The following AMER2 variants were observed in gnomAD, a reference collection of about 807,000 sequenced individuals.
AMER2 encodes family with sequence similarity 123A.
In AMER2, 1 loss-of-function variant was observed where a neutral mutation model predicts 4.7. The ratio of observed to expected loss-of-function variants is 0.21; its 90% confidence interval spans 0.07 to 1.00. The LOEUF is 1.00. AMER2 is among the 50% of genes least tolerant of loss of function. AMER2 has a pLI of 0.60. For synonymous variants in AMER2, 485 were observed against 433.3 expected (o/e 1.12, Z -1.48); for missense variants, 988 against 966.9 (o/e 1.02, Z -0.29).
chr13:25,170,615 G>C lies in AMER2; in HGVS notation c.1005C>G (p.Ser335=), dbSNP rs1268988362. 3.2e-6 allele frequency: 5 copies of C among 1,572,654 alleles called. No homozygotes were observed. In the East Asian group the frequency reaches 1.2e-4, roughly 37 times the overall value. ...CGGGCGCCCGGCCGCTGCCGCCTTCGGAGTCGACAAGGGGGACCGTCTTTA... is the reference window on the plus strand; with the variant it reads ...CGGGCGCCCGGCCGCTGCCGCCTTCCGAGTCGACAAGGGGGACCGTCTTTA... The part of the protein sequence containing the change: ...VPVKTVPLVD[S]EGGSGRAPAA... The change falls in exon 1 of 1, where the codon TCC becomes TCG. Residue 335 remains serine (S), a synonymous_variant. Transcript: ENST00000515384. This position sits in a 1 kb window ranked among gnomAD's most constrained non-coding sequence, Gnocchi z 7.3.
Position 25,170,525 on chromosome 13 carries a change from C to T in AMER2, c.1095G>A (p.Met365Ile). Residue 365 changes from methionine to isoleucine, a missense_variant, in exon 1 of 1, where the codon ATG becomes ATA. Coordinates refer to ENST00000515384, the MANE Select transcript of AMER2 (RefSeq NM_152704.4). This position sits in a 1 kb window ranked among gnomAD's most constrained non-coding sequence, Gnocchi z 7.3. ...SDPSADRICLMFSDVTSLKSF... is the reference protein window; with the variant it reads ...SDPSADRICLIFSDVTSLKSF... ...TTTTCAGTGAAGTCACGTCAGAAAA[C>T]ATCAAACAAATACGATCTGCCGACG... The T allele has an allele frequency of 6.2e-7, 1 of 1,614,198 alleles. No individual in the cohort carries two copies. Among genetic ancestry groups the T allele is most frequent in the Non-Finnish European group, 8.5e-7 (1 of 1,180,032 alleles).
Position 25,171,723 on chromosome 13 carries a change from C to G in AMER2, c.-104G>C, listed in dbSNP as rs1407488033. The G allele has an allele frequency of 7.1e-7, 1 of 1,411,192 alleles. No homozygotes were observed. Among genetic ancestry groups the G allele is most frequent in the East Asian group, 2.8e-5 (1 of 36,266 alleles). 87.4% of individuals were successfully genotyped at this position (1,411,192 alleles called of 1,614,324 possible). The stretch of plus-strand genomic sequence containing the variant: ...TGAGCCGCGCTCGCCGCCGCCGCTG[C>G]AAAAGAAACACACATAAAAGACCAT... On this transcript the variant is annotated 5_prime_UTR_variant, in exon 1 of 1. Transcript: ENST00000515384. This position sits in a 1 kb window ranked among gnomAD's most constrained non-coding sequence, Gnocchi z 5.9.
chr13:25,170,957 C>A lies in AMER2; in HGVS notation c.663G>T (p.Gly221=). 4 of 1,538,138 alleles carry A rather than the reference C, an allele frequency of 2.6e-6. No individual in the cohort carries two copies. Among genetic ancestry groups the A allele is most frequent in the Non-Finnish European group, 3.5e-6 (4 of 1,146,290 alleles). Residue 221 remains glycine (G), a synonymous_variant, in exon 1 of 1, where the codon GGG becomes GGT. Transcript: ENST00000515384. The surrounding 1 kb of genome is among the most constrained non-coding windows in gnomAD (Gnocchi z 7.3). ...KAEAAEGRAP[G]GGLILPGSLT... is the part of the protein sequence containing the mutation. The stretch of plus-strand genomic sequence containing the variant: ...GCGAGCCGGGTAGGATCAAGCCGCC[C>A]CCGGGCGCGCGCCCCTCCGCGGCCT...
chr13:25,170,384 G>T lies in AMER2; in HGVS notation c.1236C>A (p.Asn412Lys). 6.2e-7 allele frequency: 1 copy of T among 1,614,128 alleles called. No homozygotes were observed. The highest frequency in any genetic ancestry group is 8.5e-7 in the Non-Finnish European group (1 of 1,179,992). The change falls in exon 1 of 1, where the codon AAC (asparagine) becomes AAA (lysine). Residue 412 changes from asparagine to lysine, a missense_variant. By Grantham distance (94) the Asn-to-Lys change is moderately conservative. Coordinates refer to ENST00000515384, the MANE Select transcript of AMER2 (RefSeq NM_152704.4). The surrounding 1 kb of genome is among the most constrained non-coding windows in gnomAD (Gnocchi z 7.3). ...CTCCTTGGTAGGCCACCACGCCGGG[G>T]TTCTTTTTAGACAGAGCCGGCTTGC... ...GPGKPALSKK[N>K]PGVVAYQGGG...
At position 25,163,281 on chromosome 13, in the gene AMER2, T is replaced by C. The variant is rs931792015; in HGVS notation, c.*6323A>G. The C allele has an allele frequency of 6.6e-6, 1 of 152,200 alleles. No homozygotes were observed. Among genetic ancestry groups the C allele is most frequent in the African/African-American group, 2.4e-5 (1 of 41,436 alleles). The allele number at this position is 152,200 out of a possible 1,614,324, so 9.4% of individuals were successfully genotyped here. ...AAGTTTCTCAAAAAATTAAAAATAATTCTATGTTTAATTAGAATTACCATA... is the reference window on the plus strand; with the variant it reads ...AAGTTTCTCAAAAAATTAAAAATAACTCTATGTTTAATTAGAATTACCATA... On this transcript the variant is annotated 3_prime_UTR_variant, in exon 1 of 1. Transcript: ENST00000515384.
rs1164496394 is a variant in AMER2, at chr13:25,163,366, T to C, written c.*6238A>G. Reference sequence around the variant, plus strand: ...TTCAAAAAAACTGAAATCAGGATCTTAAAGAGATATTTTCACTCCCTCGTT... The same window carrying C: ...TTCAAAAAAACTGAAATCAGGATCTCAAAGAGATATTTTCACTCCCTCGTT... On this transcript the variant is annotated 3_prime_UTR_variant, in exon 1 of 1. Transcript: ENST00000515384. 1.3e-5 allele frequency: 2 copies of C among 152,162 alleles called. No homozygotes were observed. Among genetic ancestry groups the C allele is most frequent in the Admixed American group, 6.5e-5 (1 of 15,282 alleles). The allele number at this position is 152,162 out of a possible 1,614,324, so 9.4% of individuals were successfully genotyped here.
chr13:25,170,809 CG>C lies in AMER2; in HGVS notation c.810del (p.Ala271ProfsTer57). ...AGEPAGGEEV[P>X]APADRAPARS... ...CGCGCTGGGGCGCGGTCGGCGGGGG[CG>C]GGCACCTCCTCTCCCCCTGCGGGCT... On this transcript the variant is annotated frameshift_variant, in exon 1 of 1. Transcript: ENST00000515384. LOFTEE classifies it low-confidence loss of function (END_TRUNC). This position sits in a 1 kb window ranked among gnomAD's most constrained non-coding sequence, Gnocchi z 7.3. The C allele has an allele frequency of 7.2e-7, 1 of 1,383,642 alleles. No individual in the cohort carries two copies. The highest frequency in any genetic ancestry group is 1.8e-5 in the South Asian group (1 of 54,364). The allele number at this position is 1,383,642 out of a possible 1,614,324, so 85.7% of individuals were successfully genotyped here.
chr13:25,170,015 G>A lies in AMER2; in HGVS notation c.1605C>T (p.Asp535=). Reference sequence around the variant, plus strand: ...CCGCCTTCTTCCCGCTGCTCGAGCTGTCTTCCTCTGGGCCTGGCGTGGTGG... The same window carrying A: ...CCGCCTTCTTCCCGCTGCTCGAGCTATCTTCCTCTGGGCCTGGCGTGGTGG... ...WDSTTPGPEE[D]SSSSGKKAGI... Residue 535 remains aspartate (D), a synonymous_variant, in exon 1 of 1, where the codon GAC becomes GAT. Coordinates refer to ENST00000515384, the MANE Select transcript of AMER2 (RefSeq NM_152704.4). This position sits in a 1 kb window ranked among gnomAD's most constrained non-coding sequence, Gnocchi z 7.3. 4 of 1,613,914 alleles carry A rather than the reference G, an allele frequency of 2.5e-6. No individual in the cohort carries two copies. The highest frequency in any genetic ancestry group is 3.4e-6 in the Non-Finnish European group (4 of 1,179,940).
Position 25,171,918 on chromosome 13 carries a change from G to T in AMER2, c.-299C>A. 2.5e-6 allele frequency: 1 copy of T among 404,702 alleles called. No individual in the cohort carries two copies. The highest frequency in any genetic ancestry group is 4.2e-6 in the Non-Finnish European group (1 of 239,842). The allele number at this position is 404,702 out of a possible 1,614,324, so 25.1% of individuals were successfully genotyped here. A position where few individuals can be genotyped will look rare whatever the true frequency, so the allele number is the denominator to read the frequency against. Reference sequence around the variant, plus strand: ...TTCCCTCAACTCTCACCCACCTTCGGATTCCTTCTCTAGACTCGCTCTTCA... The same window carrying T: ...TTCCCTCAACTCTCACCCACCTTCGTATTCCTTCTCTAGACTCGCTCTTCA... On this transcript the variant is annotated 5_prime_UTR_variant, in exon 1 of 1. Coordinates refer to ENST00000515384, the MANE Select transcript of AMER2 (RefSeq NM_152704.4). This position sits in a 1 kb window ranked among gnomAD's most constrained non-coding sequence, Gnocchi z 5.9.
rs552738605 is a variant in AMER2, at chr13:25,167,672, C to T, written c.*1932G>A. The T allele has an allele frequency of 1.3e-5, 2 of 152,214 alleles. No individual in the cohort carries two copies. Among genetic ancestry groups the T allele is most frequent in the Admixed American group, 6.5e-5 (1 of 15,296 alleles). The allele number at this position is 152,214 out of a possible 1,614,324, so 9.4% of individuals were successfully genotyped here. On this transcript the variant is annotated 3_prime_UTR_variant, in exon 1 of 1. Transcript: ENST00000515384. ...TTGAAATAACATTATGGATCTGAGACAATGCAATAAAAGCCAGTCATATGA... is the reference window on the plus strand; with the variant it reads ...TTGAAATAACATTATGGATCTGAGATAATGCAATAAAAGCCAGTCATATGA...
rs1237232930 is a variant in AMER2 at position 25,170,372 on chromosome 13, C to T, written c.1248G>A (p.Val416=). 2 of 1,613,956 alleles carry T rather than the reference C, an allele frequency of 1.2e-6. No individual in the cohort carries two copies. Among genetic ancestry groups the T allele is most frequent in the African/African-American group, 1.3e-5 (1 of 74,936 alleles). ...PALSKKNPGV[V]AYQGGGEEMA... Reference sequence around the variant, plus strand: ...TCTCTTCCCCGCCTCCTTGGTAGGCCACCACGCCGGGGTTCTTTTTAGACA... The same window carrying T: ...TCTCTTCCCCGCCTCCTTGGTAGGCTACCACGCCGGGGTTCTTTTTAGACA... Residue 416 remains valine (V), a synonymous_variant, in exon 1 of 1, where the codon GTG becomes GTA. Transcript: ENST00000515384. The surrounding 1 kb of genome is among the most constrained non-coding windows in gnomAD (Gnocchi z 7.3).
rs768761914 is a variant in AMER2 at position 25,170,749 on chromosome 13, C to T, written c.871G>A (p.Gly291Ser). 4 of 1,400,124 alleles carry T rather than the reference C, an allele frequency of 2.9e-6. No homozygotes were observed. In the South Asian group the frequency reaches 6.5e-5, roughly 23 times the overall value. 86.7% of individuals were successfully genotyped at this position (1,400,124 alleles called of 1,614,324 possible). A position where few individuals can be genotyped will look rare whatever the true frequency, so the allele number is the denominator to read the frequency against. ...CREAEGLAHP[G>S]DTGARGEDAA... The stretch of plus-strand genomic sequence containing the variant: ...TCCTCTCCCCGGGCGCCGGTGTCGC[C>T]GGGGTGCGCGAGGCCCTCTGCCTCT... Residue 291 changes from glycine to serine, a missense_variant, in exon 1 of 1, where the codon GGC (glycine) becomes AGC (serine). By Grantham distance (56) the Gly-to-Ser change is moderately conservative. Coordinates refer to ENST00000515384, the MANE Select transcript of AMER2 (RefSeq NM_152704.4). This position sits in a 1 kb window ranked among gnomAD's most constrained non-coding sequence, Gnocchi z 7.3.
chr13:25,171,986 A>G lies in AMER2; in HGVS notation c.-367T>C, dbSNP rs140566395. On this transcript the variant is annotated 5_prime_UTR_variant, in exon 1 of 1. Coordinates refer to ENST00000515384, the MANE Select transcript of AMER2 (RefSeq NM_152704.4). The surrounding 1 kb of genome is among the most constrained non-coding windows in gnomAD (Gnocchi z 5.9). ...ATCACGAAATGCCTCTAAAAACGACAACGCAATTCAACCCACCACAAAATG... is the reference window on the plus strand; with the variant it reads ...ATCACGAAATGCCTCTAAAAACGACGACGCAATTCAACCCACCACAAAATG... The G allele has an allele frequency of 8.0e-4, 203 of 254,054 alleles. No individual in the cohort carries two copies. Among genetic ancestry groups the G allele is most frequent in the Admixed American group, 2.6e-3 (46 of 17,996 alleles). The allele number at this position is 254,054 out of a possible 1,614,324, so 15.7% of individuals were successfully genotyped here.
At position 25,166,037 on chromosome 13, in the gene AMER2, A is replaced by C. The variant is rs1334095368; in HGVS notation, c.*3567T>G. 1 of 152,154 alleles carries C rather than the reference A, an allele frequency of 6.6e-6. No homozygotes were observed. The highest frequency in any genetic ancestry group is 1.5e-5 in the Non-Finnish European group (1 of 68,036). 9.4% of individuals were successfully genotyped at this position (152,154 alleles called of 1,614,324 possible). ...TTAGAAAATTCAAAGAAATCTCAACACCTGACATAGTCTTTTTACCTGGAT... is the reference window on the plus strand; with the variant it reads ...TTAGAAAATTCAAAGAAATCTCAACCCCTGACATAGTCTTTTTACCTGGAT... On this transcript the variant is annotated 3_prime_UTR_variant, in exon 1 of 1. Coordinates refer to ENST00000515384, the MANE Select transcript of AMER2 (RefSeq NM_152704.4).
chr13:25,165,994 C>T lies in AMER2; in HGVS notation c.*3610G>A, dbSNP rs73479448. Reference sequence around the variant, plus strand: ...GCCTTTAAAATTAATCTGACAAAGGCGTAAATAATGAAAACTCTTAGAAAA... The same window carrying T: ...GCCTTTAAAATTAATCTGACAAAGGTGTAAATAATGAAAACTCTTAGAAAA... On this transcript the variant is annotated 3_prime_UTR_variant, in exon 1 of 1. Coordinates refer to ENST00000515384, the MANE Select transcript of AMER2 (RefSeq NM_152704.4). 2.0e-5 allele frequency: 3 copies of T among 152,024 alleles called. No homozygotes were observed. The highest frequency in any genetic ancestry group is 4.8e-5 in the African/African-American group (2 of 41,362). 9.4% of individuals were successfully genotyped at this position (152,024 alleles called of 1,614,324 possible). A position where few individuals can be genotyped will look rare whatever the true frequency, so the allele number is the denominator to read the frequency against.
chr13:25,164,767 A>G lies in AMER2; in HGVS notation c.*4837T>C, dbSNP rs969963709. 25 of 152,214 alleles carry G rather than the reference A, an allele frequency of 1.6e-4. No individual in the cohort carries two copies. Among genetic ancestry groups the G allele is most frequent in the African/African-American group, 6.0e-4 (25 of 41,554 alleles). 9.4% of individuals were successfully genotyped at this position (152,214 alleles called of 1,614,324 possible). ...TTCAATGAATGTTAACCATTGTTACATTTACTATTTTTTAGAGGCATTTGT... is the reference window on the plus strand; with the variant it reads ...TTCAATGAATGTTAACCATTGTTACGTTTACTATTTTTTAGAGGCATTTGT... On this transcript the variant is annotated 3_prime_UTR_variant, in exon 1 of 1. Transcript: ENST00000515384.
chr13:25,166,383 T>C lies in AMER2; in HGVS notation c.*3221A>G, dbSNP rs901184669. ...GATTATTTAAAATGCTGTAGTAAAA[T>C]TTCTCCCAATTGGTGCTAATGGCAG... On this transcript the variant is annotated 3_prime_UTR_variant, in exon 1 of 1. Transcript: ENST00000515384. 2 of 152,202 alleles carry C rather than the reference T, an allele frequency of 1.3e-5. No homozygotes were observed. Among genetic ancestry groups the C allele is most frequent in the Non-Finnish European group, 2.9e-5 (2 of 68,026 alleles). The allele number at this position is 152,202 out of a possible 1,614,324, so 9.4% of individuals were successfully genotyped here. A position where few individuals can be genotyped will look rare whatever the true frequency, so the allele number is the denominator to read the frequency against.
rs1354033780 is a variant in AMER2, at chr13:25,165,559, G to A, written c.*4045C>T. The A allele has an allele frequency of 6.6e-6, 1 of 152,218 alleles. No individual in the cohort carries two copies. The highest frequency in any genetic ancestry group is 2.4e-5 in the African/African-American group (1 of 41,448). The allele number at this position is 152,218 out of a possible 1,614,324, so 9.4% of individuals were successfully genotyped here. A position where few individuals can be genotyped will look rare whatever the true frequency, so the allele number is the denominator to read the frequency against. On this transcript the variant is annotated 3_prime_UTR_variant, in exon 1 of 1. Coordinates refer to ENST00000515384, the MANE Select transcript of AMER2 (RefSeq NM_152704.4). ...TTTCCTTGCTCTGCCTGGAGGAGGG[G>A]AAAGGGAAACTGGGTTAGGTGAAGT...
chr13:25,170,733 C>A lies in AMER2; in HGVS notation c.887G>T (p.Arg296Leu). The change falls in exon 1 of 1, where the codon CGG becomes CTG. Residue 296 changes from arginine (R) to leucine (L), a missense_variant. Arg to Leu is a moderately radical substitution (Grantham distance 102, BLOSUM62 -2). Coordinates refer to ENST00000515384, the MANE Select transcript of AMER2 (RefSeq NM_152704.4). This position sits in a 1 kb window ranked among gnomAD's most constrained non-coding sequence, Gnocchi z 7.3. ...GLAHPGDTGA[R>L]GEDAAGHRRA... is the part of the protein sequence containing the mutation. Reference sequence around the variant, plus strand: ...CCGATGCCCCGCGGCGTCCTCTCCCCGGGCGCCGGTGTCGCCGGGGTGCGC... The same window carrying A: ...CCGATGCCCCGCGGCGTCCTCTCCCAGGGCGCCGGTGTCGCCGGGGTGCGC... 7.0e-7 allele frequency: 1 copy of A among 1,424,796 alleles called. No individual in the cohort carries two copies. The highest frequency in any genetic ancestry group is 1.5e-5 in the South Asian group (1 of 65,910). The allele number at this position is 1,424,796 out of a possible 1,614,324, so 88.3% of individuals were successfully genotyped here. A position where few individuals can be genotyped will look rare whatever the true frequency, so the allele number is the denominator to read the frequency against.
Sources: allele counts gnomAD v4.1 joint callset, GRCh38; gene constraint gnomAD v4.1.1; non-coding constraint Gnocchi (gnomAD v3.1); transcripts MANE v1.5; gene names NCBI Gene and HGNC (gene_info 2026-07-23, HGNC 2026-07-21).